RELCH: variants seen among roughly 807,000 people sequenced by gnomAD.
The protein encoded by RELCH is RAB11-binding protein RELCH.
RELCH carries 41 observed loss-of-function variants against 150.3 expected under a neutral mutation model. The ratio of observed to expected loss-of-function variants is 0.27; its 90% CI spans 0.21 to 0.35. The LOEUF (loss-of-function observed/expected upper bound fraction) is 0.35, where lower values mean the gene tolerates loss of function less well. Ranked by LOEUF, RELCH falls within the 10% of genes least tolerant of loss-of-function variation. The pLI is 1.00. For missense variants in RELCH, 1,092 were observed against 1,467.8 expected (o/e 0.74, Z 4.18); for synonymous variants, 478 against 531.8 (o/e 0.90, Z 1.39).
chr18:62,252,222 A>G (rs897696162), intron 11 of RELCH, among the ~76,000 whole-genome samples: 1 of 144,584 alleles, frequency 6.9e-6, no homozygotes, highest in African/African-American at 2.6e-5. Context: ...GGCGGTCTCT[A>G]TCTCCTGACC....
At chr18:62,224,080 T>C (rs2041055233) in intron 5 of RELCH, among the ~76,000 whole-genome samples, 1 of 152,130 alleles carries the variant, frequency 6.6e-6, no homozygotes, top group African/African-American at 2.4e-5. Flanking sequence ...CACCTCGTCA[T>C]TTACATTAGG....
chr18:62,264,099 G>A lies in RELCH; in HGVS notation c.2461G>A (p.Glu821Lys). The change falls in exon 17 of 29, where the codon GAG becomes AAG. Residue 821 changes from glutamate (E) to lysine (K), a missense_variant. Glu to Lys is a moderately conservative substitution (Grantham distance 56, BLOSUM62 1). This residue lies in a region of RELCH where 707 missense variants were observed against 1,025.4 expected (regional missense o/e 0.69). Transcript: ENST00000644646. ...ACTTTATGACTACCAGCTAGAACAA[G>A]AGGGTACAACAGGCTGGGAGAGTTT... is the stretch of plus-strand genomic sequence containing the variant. The part of the protein sequence containing the change: ...LQLYDYQLEQ[E>K]GTTGWESLLW... 1 of 1,604,790 alleles carries A rather than the reference G, an allele frequency of 6.2e-7. No individual in the cohort carries two copies. Among genetic ancestry groups the A allele is most frequent in the East Asian group, 2.3e-5 (1 of 44,242 alleles).
intron 24 of RELCH, among the ~76,000 whole-genome samples, chr18:62,281,642 G>A (rs940831266): frequency 3.8e-4 from 58 of 152,120 alleles, no homozygotes; most frequent in Admixed American, 3.7e-3. Context: ...AAAAAACCCT[G>A]TAGATTAGCA....
chr18:62,221,050 A>G lies in RELCH; in HGVS notation c.630A>G (p.Glu210=), dbSNP rs759319771. The part of the protein sequence containing the change: ...TDEKVAVLEF[E]LRKAKETIQA... ...ATCCCTGTCCAGTCCTGGAGTTTGA[A>G]CTACGGAAAGCCAAGGAGACCATTC... Residue 210 remains glutamate, a synonymous_variant, in exon 3 of 29, where the codon GAA becomes GAG. Coordinates refer to ENST00000644646, the MANE Select transcript of RELCH (RefSeq NM_001346231.2). 3.1e-6 allele frequency: 5 copies of G among 1,613,144 alleles called. No individual in the cohort carries two copies. Among genetic ancestry groups the G allele is most frequent in the East Asian group, 4.5e-5 (2 of 44,878 alleles).
chr18:62,228,127 G>A (rs17645135), intron 7 of RELCH, among the ~76,000 whole-genome samples, 178 bp from the exon 8 acceptor site: 1 of 151,916 alleles, frequency 6.6e-6, no homozygotes, highest in African/African-American at 2.4e-5. Context: ...TATAGCTACA[G>A]TTTTAGGTAT....
At chr18:62,198,232 A>G (rs1428230423) in intron 1 of RELCH, among the ~76,000 whole-genome samples, 1 of 152,212 alleles carries the variant, frequency 6.6e-6, no homozygotes, top group Non-Finnish European at 1.5e-5. Flanking sequence ...CTAAACCTCA[A>G]CTGACAGCCA....
chr18:62,267,860 A>C (rs754023275), intron 19 of RELCH, among the ~76,000 whole-genome samples: 146 of 152,072 alleles, frequency 9.6e-4, no homozygotes, highest in Non-Finnish European at 1.7e-3. Context: ...TGTTGAAATA[A>C]ATAGGAAGTG....
chr18:62,273,903 A>AACATTTGGTAAC (rs1336017939), intron 20 of RELCH, 77 bp from the exon 21 acceptor site: 5 of 872,656 alleles, frequency 5.7e-6, no homozygotes, highest in Non-Finnish European at 9.3e-6. Context: ...AACATTTTCT[A>AACATTTGGTAAC]ATTATAGATA....
intron 2 of RELCH, among the ~76,000 whole-genome samples, chr18:62,220,457 C>T (rs1018553516): frequency 8.7e-5 from 13 of 149,298 alleles, no homozygotes; most frequent in East Asian, 2.0e-4. Flanking sequence ...ATAGGCATCA[C>T]GACATTTGTT....
chr18:62,224,276 T>C (rs1711829786), intron 5 of RELCH, among the ~76,000 whole-genome samples: 1 of 151,630 alleles, frequency 6.6e-6, no homozygotes, highest in South Asian at 2.1e-4. Context: ...GCTTCATCCA[T>C]GTCCCTGCAA....
chr18:62,252,918 G>A (rs2042798390), intron 12 of RELCH, among the ~76,000 whole-genome samples, 164 bp downstream of exon 12: 1 of 152,054 alleles, frequency 6.6e-6, no homozygotes, highest in South Asian at 2.1e-4. Context: ...AATGCTCTGG[G>A]GTGCTTTCCT....
rs1280974331 is a variant in RELCH at position 62,195,270 on chromosome 18, TAC to T, written c.526+7246_526+7247del. ...ATATGTAATATTATTTGCTGGAATA[TAC>T]ACACACTCTGTGTGTGTGTGTGTGT... On this transcript the variant is annotated intron_variant, in intron 1 of 28. Transcript: ENST00000644646. Among the ~76,000 whole-genome samples the T allele has an allele frequency of 2.3e-3, 322 of 141,032 alleles. 3 individuals carry two copies. The highest frequency in any genetic ancestry group is 8.5e-3 in the African/African-American group (300 of 35,144). The allele number at this position is 141,032 out of a possible 152,430, so 92.5% of individuals were successfully genotyped here.
Position 62,261,984 on chromosome 18 carries a change from T to C in RELCH, c.2350+326T>C, listed in dbSNP as rs552651658. On this transcript the variant is annotated intron_variant, in intron 16 of 28. Coordinates refer to ENST00000644646, the MANE Select transcript of RELCH (RefSeq NM_001346231.2). ...AGATCTGAGTCAACAAAAGATTCTT[T>C]TAATAGTTACTAGTGCCAGTATATG... Among the ~76,000 whole-genome samples, 5 of 152,180 alleles carry C rather than the reference T, an allele frequency of 3.3e-5. No homozygotes were observed. The South Asian group carries it at 1.0e-3, about 32-fold the overall frequency.
intron 19 of RELCH, among the ~76,000 whole-genome samples, chr18:62,267,136 A>G (rs2043606870): frequency 6.6e-6 from 1 of 151,974 alleles, no homozygotes; most frequent in Non-Finnish European, 1.5e-5. Context: ...AGTGGAAAAG[A>G]ACGGTATATA....
chr18:62,285,216 C>T (rs1412042777), intron 25 of RELCH, among the ~76,000 whole-genome samples: 1 of 152,146 alleles, frequency 6.6e-6, no homozygotes, highest in African/African-American at 2.4e-5. Flanking sequence ...CAGCTCACTG[C>T]AACCTGCGCC....
chr18:62,280,719 A>G lies in RELCH; in HGVS notation c.3114+10A>G, dbSNP rs534307107. 9.0e-6 allele frequency: 14 copies of G among 1,548,060 alleles called. 1 individual carries two copies. The African/African-American group carries it at 1.4e-4, about 15-fold the overall frequency. ...AGTAATTCAAAGAGAGGTAGGAATAATTGAAATTTATTTATGTCTGTGTAA... is the reference window on the plus strand; with the variant it reads ...AGTAATTCAAAGAGAGGTAGGAATAGTTGAAATTTATTTATGTCTGTGTAA... On this transcript the variant is annotated intron_variant, in intron 24 of 28. Transcript: ENST00000644646.
chr18:62,210,336 G>T (rs2040079371), intron 1 of RELCH, among the ~76,000 whole-genome samples: 1 of 152,020 alleles, frequency 6.6e-6, no homozygotes, highest in African/African-American at 2.4e-5. Context: ...GCATATGTTA[G>T]ACCTTTTTTA....
At chr18:62,214,098 T>A (rs564121416) in intron 2 of RELCH, among the ~76,000 whole-genome samples, 1 of 152,250 alleles carries the variant, frequency 6.6e-6, no homozygotes, top group Non-Finnish European at 1.5e-5. Flanking sequence ...CTATTTCTCT[T>A]AAGTTTGGAG....
chr18:62,196,992 G>A (rs1027254651), intron 1 of RELCH, among the ~76,000 whole-genome samples: 3 of 152,178 alleles, frequency 2.0e-5, no homozygotes, highest in Admixed American at 2.0e-4. Flanking sequence ...TGACCCTCCA[G>A]AGTGGGTAAA....
Sources: gnomAD v4.1 joint callset for allele counts (sites outside exome capture counted in the v4.1 genomes callset) on GRCh38, gnomAD v4.1.1 for gene constraint, gnomAD v4.1.1 regional missense constraint, MANE v1.5 for transcripts, NCBI Gene and HGNC (gene_info 2026-07-23, HGNC 2026-07-21) for gene names.